Variants in NAMPT observed in about 807,000 individuals in gnomAD.
NAMPT encodes nicotinamide phosphoribosyltransferase, also known as NAmPRTase.
Under a neutral mutation model 58.7 loss-of-function variants are expected in NAMPT, and 7 were observed. That is an observed-to-expected ratio of 0.12 (90% CI 0.07 to 0.22). NAMPT has a LOEUF of 0.22. Among genes scored for constraint, NAMPT ranks in the 10% least tolerant of loss-of-function variants. NAMPT has a pLI of 1.00. For missense variants in NAMPT, 271 were observed against 567.9 expected (o/e 0.48, Z 5.31); for synonymous variants, 145 against 198.1 (o/e 0.73, Z 2.25).
chr7:106,278,022 G>C (rs1411039615), intron 1 of NAMPT, among the ~76,000 whole-genome samples: 1 of 152,196 alleles, frequency 6.6e-6, no homozygotes, highest in Non-Finnish European at 1.5e-5. Context: ...TTCAAGAGTA[G>C]GAATAACAGT....
chr7:106,272,500 T>C (rs768188823), intron 4 of NAMPT, 30 bp downstream of exon 4: 13 of 1,569,920 alleles, frequency 8.3e-6, no homozygotes, highest in South Asian at 5.7e-5. Flanking sequence ...ATTCAATTAA[T>C]GTTAAATAAG....
At chr7:106,256,897 C>G (rs1386930537) in intron 8 of NAMPT, among the ~76,000 whole-genome samples, 1 of 152,112 alleles carries the variant, frequency 6.6e-6, no homozygotes, top group Non-Finnish European at 1.5e-5. Context: ...TTTTTCTGGC[C>G]AGGCGCAATG....
At chr7:106,251,931 T>C (rs1325419080) in intron 10 of NAMPT, among the ~76,000 whole-genome samples, 1 of 152,050 alleles carries the variant, frequency 6.6e-6, no homozygotes, top group Non-Finnish European at 1.5e-5. Context: ...AGAAGTAATC[T>C]CAATTTTCCA....
At chr7:106,284,686 C>T in intron 1 of NAMPT, 142 bp downstream of exon 1, 1 of 1,014,336 alleles carries the variant, frequency 9.9e-7, no homozygotes, top group Non-Finnish European at 1.2e-6. Context: ...CCGCCGCCCG[C>T]GCCTCCCCCG....
At chr7:106,285,431 C>A, upstream of NAMPT, 1 of 635,754 alleles carries the variant, frequency 1.6e-6, no homozygotes, top group Non-Finnish European at 2.0e-6. Flanking sequence ...ACCTTCCGTC[C>A]TACCCAGTCC....
chr7:106,267,316 TAA>T (rs777833829), intron 6 of NAMPT, among the ~76,000 whole-genome samples: 1 of 152,152 alleles, frequency 6.6e-6, no homozygotes, highest in Non-Finnish European at 1.5e-5. Context: ...GTCAGTTTTT[TAA>T]AAATATCCTT....
rs1181990960 is a variant in NAMPT at position 106,261,723 on chromosome 7, C to T, written c.970-16G>A. The T allele has an allele frequency of 1.3e-6, 2 of 1,597,490 alleles. No homozygotes were observed. The highest frequency in any genetic ancestry group is 1.7e-5 in the Admixed American group (1 of 59,758). ...TCTCCAAAACCTATATGGAAAAATA[C>T]ACATGCAACACAAATAACTAAAGCT... On this transcript the variant is annotated splice_polypyrimidine_tract_variant and intron_variant, in intron 7 of 10. Coordinates refer to ENST00000222553, the MANE Select transcript of NAMPT (RefSeq NM_005746.3).
At chr7:106,267,477 A>C (rs930306076) in intron 6 of NAMPT, among the ~76,000 whole-genome samples, 2 of 152,160 alleles carry the variant, frequency 1.3e-5, no homozygotes, top group African/African-American at 2.4e-5. Flanking sequence ...GCAGAACTTA[A>C]ATATTCCCTA....
upstream of NAMPT, chr7:106,285,374 C>T (rs1792859499): frequency 4.5e-6 from 2 of 440,886 alleles, no homozygotes; most frequent in Non-Finnish European, 6.1e-6. Context: ...GGGGCGTTCC[C>T]AGCTTTGCCA....
intron 8 of NAMPT, 47 bp from the exon 9 acceptor site, chr7:106,254,551 A>G: frequency 6.4e-7 from 1 of 1,573,746 alleles, no homozygotes. Flanking sequence ...TTAATTTGGA[A>G]GAGAATGGAG....
chr7:106,257,829 A>T (rs570666627), intron 8 of NAMPT, among the ~76,000 whole-genome samples: 40 of 152,318 alleles, frequency 2.6e-4, no homozygotes, highest in Non-Finnish European at 4.9e-4. Flanking sequence ...AGCAACAGGC[A>T]GGCTAATGGG....
chr7:106,262,525 A>C (rs559358043), intron 7 of NAMPT, among the ~76,000 whole-genome samples: 1 of 152,130 alleles, frequency 6.6e-6, no homozygotes, highest in Non-Finnish European at 1.5e-5. Flanking sequence ...AGGCTAAGAC[A>C]AGACTTTCAG....
chr7:106,256,397 A>G (rs561144134), intron 8 of NAMPT, among the ~76,000 whole-genome samples: 2 of 152,370 alleles, frequency 1.3e-5, no homozygotes, highest in Non-Finnish European at 2.9e-5. Context: ...GGCTGACGTC[A>G]AGGAAGAAAA....
At chr7:106,257,557 G>T (rs1224370210) in intron 8 of NAMPT, among the ~76,000 whole-genome samples, 8 of 151,792 alleles carry the variant, frequency 5.3e-5, no homozygotes, top group Non-Finnish European at 1.0e-4. Context: ...CCTGACCCTG[G>T]GAGGTTGAGG....
At chr7:106,267,872 A>AAAAAAAAAAAAAAAAAAAAAAAAAAAC (rs1562815992) in intron 6 of NAMPT, among the ~76,000 whole-genome samples, 2 of 136,200 alleles carry the variant, frequency 1.5e-5, no homozygotes, top group African/African-American at 5.8e-5. Context: ...AAAAAAAAAA[A>AAAAAAAAAAAAAAAAAAAAAAAAAAAC]AAAACAACCT....
Position 106,254,330 on chromosome 7 carries a change from G to A in NAMPT, c.1230+34C>T, listed in dbSNP as rs572563366. On this transcript the variant is annotated intron_variant, in intron 9 of 10. Coordinates refer to ENST00000222553, the MANE Select transcript of NAMPT (RefSeq NM_005746.3). Reference sequence around the variant, plus strand: ...CATTCTACCTAGATACATAAGGAAGGTAGTAACACAGAAGTAATTAAAAGG... The same window carrying A: ...CATTCTACCTAGATACATAAGGAAGATAGTAACACAGAAGTAATTAAAAGG... 21 of 1,609,342 alleles carry A rather than the reference G, an allele frequency of 1.3e-5. 1 individual carries two copies. The South Asian group carries it at 2.3e-4, about 18-fold the overall frequency.
chr7:106,271,858 CCT>C (rs1468071723), intron 4 of NAMPT: 2 of 157,802 alleles, frequency 1.3e-5, no homozygotes, highest in Admixed American at 6.5e-5. Flanking sequence ...GAGGGTATTT[CCT>C]CTCACGGATT....
intron 1 of NAMPT, 54 bp downstream of exon 1, chr7:106,284,774 G>A (rs1792837640): frequency 4.9e-6 from 5 of 1,013,760 alleles, no homozygotes; most frequent in Non-Finnish European, 5.1e-6. Context: ...CCTGCCGCGC[G>A]CTCGTCCCCA....
intron 1 of NAMPT, among the ~76,000 whole-genome samples, chr7:106,278,807 T>C (rs1323874789): frequency 2.6e-5 from 4 of 152,204 alleles, no homozygotes; most frequent in African/African-American, 7.2e-5. Flanking sequence ...AGTAGTGAGA[T>C]AGAAGAAAAG....
Sources: allele counts gnomAD v4.1 joint callset (sites outside exome capture counted in the v4.1 genomes callset), GRCh38; gene constraint gnomAD v4.1.1; transcripts MANE v1.5; gene names NCBI Gene and HGNC (gene_info 2026-07-23, HGNC 2026-07-21).